The following AGO4 variants were observed in gnomAD, a reference collection of about 807,000 sequenced individuals.
AGO4 encodes protein argonaute-4.
A neutral mutation model predicts 104.7 loss-of-function variants in AGO4; 33 were observed. That is an observed-to-expected ratio of 0.32 (90% CI 0.24 to 0.42). AGO4 has a LOEUF of 0.42. Ranked by LOEUF, AGO4 falls within the 10% of genes least tolerant of loss-of-function variation. The pLI is 1.00. For missense variants in AGO4, 711 were observed against 1,083.4 expected (o/e 0.66, Z 4.83); for synonymous variants, 331 against 364.7 (o/e 0.91, Z 1.05).
intron 17 of AGO4, among the ~76,000 whole-genome samples, chr1:35,851,526 T>G (rs1644701706): frequency 6.6e-6 from 1 of 152,228 alleles, no homozygotes. Context: ...CACTCTCAAA[T>G]AGGCATCTCA....
chr1:35,850,780 CAAAA>C, intron 16 of AGO4, 70 bp from the exon 17 acceptor site: 591 of 534,200 alleles, frequency 1.1e-3, no homozygotes, highest in Admixed American at 1.5e-3. Flanking sequence ...GACTCCATCT[CAAAA>C]AAAAAAAAAA....
At chr1:35,844,417 C>T (rs565476853) in intron 15 of AGO4, among the ~76,000 whole-genome samples, 35 of 152,258 alleles carry the variant, frequency 2.3e-4, no homozygotes, top group African/African-American at 7.9e-4. Flanking sequence ...TGGATGCTGC[C>T]GTTTTTTCAT....
intron 12 of AGO4, among the ~76,000 whole-genome samples, chr1:35,834,460 C>T (rs1232515322): frequency 6.6e-6 from 1 of 152,164 alleles, no homozygotes; most frequent in Non-Finnish European, 1.5e-5. Flanking sequence ...TGGCCACAAC[C>T]AGCCATATGG....
intron 12 of AGO4, among the ~76,000 whole-genome samples, 181 bp downstream of exon 12, chr1:35,834,355 C>T (rs539319059): frequency 6.6e-6 from 1 of 152,368 alleles, no homozygotes; most frequent in Admixed American, 6.5e-5. Context: ...TGCTCTGTGT[C>T]ATCATGTCAT....
chr1:35,850,909 C>A lies in AGO4; in HGVS notation c.2333C>A (p.Ala778Glu). Residue 778 changes from alanine to glutamate, a missense_variant, in exon 17 of 18, where the codon GCA becomes GAA. Ala to Glu is a moderately radical substitution (Grantham distance 107). Transcript: ENST00000373210. ...QVLWDDNCFT[A>E]DELQLLTYQL... is the part of the protein sequence containing the mutation. ...TTGTGGGATGACAACTGCTTCACTG[C>A]AGATGAACTCCAGCTACTGACTTAC... 2 of 1,613,848 alleles carry A rather than the reference C, an allele frequency of 1.2e-6. No individual in the cohort carries two copies. The highest frequency in any genetic ancestry group is 1.1e-5 in the South Asian group (1 of 91,080).
rs756176316 is a variant in AGO4, at chr1:35,841,788, C to A, written c.2175+38C>A. 103 of 1,573,004 alleles carry A rather than the reference C, an allele frequency of 6.5e-5. 1 individual carries two copies. In the Middle Eastern group the frequency reaches 3.4e-3, roughly 52 times the overall value. On this transcript the variant is annotated intron_variant, in intron 15 of 17. Coordinates refer to ENST00000373210, the MANE Select transcript of AGO4 (RefSeq NM_017629.4). The surrounding 1 kb of genome is among the most constrained non-coding windows in gnomAD (Gnocchi z 4.7). The stretch of plus-strand genomic sequence containing the variant: ...AATATAAGCTTTGTTATCTGAGGCT[C>A]TGGCAAGAGATGTATATATGCACAT...
intron 2 of AGO4, among the ~76,000 whole-genome samples, chr1:35,818,641 GA>G (rs1557552079): frequency 3.0e-5 from 3 of 99,984 alleles, no homozygotes; most frequent in South Asian, 3.5e-4. Flanking sequence ...AAGAAAGAAA[GA>G]AAGAAAGAAA....
Position 35,808,447 on chromosome 1 carries a change from G to T in AGO4, c.19+12G>T. On this transcript the variant is annotated intron_variant, in intron 1 of 17. Coordinates refer to ENST00000373210, the MANE Select transcript of AGO4 (RefSeq NM_017629.4). This position sits in a 1 kb window ranked among gnomAD's most constrained non-coding sequence, Gnocchi z 5.2. ...GGCGCTGGGACCCGGTGAGGAGCGA[G>T]CTCGGGTCGGGGCGGGACCCGGGAC... is the stretch of plus-strand genomic sequence containing the variant. 1 of 1,179,062 alleles carries T rather than the reference G, an allele frequency of 8.5e-7. No individual in the cohort carries two copies. The highest frequency in any genetic ancestry group is 1.0e-6 in the Non-Finnish European group (1 of 953,906). The allele number at this position is 1,179,062 out of a possible 1,614,324, so 73.0% of individuals were successfully genotyped here.
chr1:35,827,515 A>C (rs1644054336), intron 7 of AGO4, among the ~76,000 whole-genome samples: 1 of 152,180 alleles, frequency 6.6e-6, no homozygotes, highest in South Asian at 2.1e-4. Context: ...GTGAAACTCC[A>C]TCTCAAAAGA....
chr1:35,840,977 G>GGC (rs1557574460), intron 13 of AGO4, among the ~76,000 whole-genome samples, 188 bp from the exon 14 acceptor site: 8 of 152,132 alleles, frequency 5.3e-5, no homozygotes, highest in African/African-American at 1.9e-4. Context: ...CACTTCTTCA[G>GGC]TCAGTCCAGA....
intron 1 of AGO4, among the ~76,000 whole-genome samples, chr1:35,809,916 A>G (rs1288080158): frequency 6.6e-6 from 1 of 152,216 alleles, no homozygotes; most frequent in African/African-American, 2.4e-5. Context: ...TCATAATTGA[A>G]ACAACTGTTG....
chr1:35,830,992 AG>A (rs1030217332), intron 7 of AGO4, among the ~76,000 whole-genome samples: 11 of 151,282 alleles, frequency 7.3e-5, no homozygotes, highest in Non-Finnish European at 1.5e-4. Flanking sequence ...AAAAAAAAAA[AG>A]ATTGACCTTT....
chr1:35,808,366 C>G lies in AGO4; in HGVS notation c.-51C>G, dbSNP rs1643366550. On this transcript the variant is annotated 5_prime_UTR_variant, in exon 1 of 18. Coordinates refer to ENST00000373210, the MANE Select transcript of AGO4 (RefSeq NM_017629.4). The surrounding 1 kb of genome is among the most constrained non-coding windows in gnomAD (Gnocchi z 5.2). ...GGCGGCGGCGGCGGCGGCGGCGGGGCCCGGAGCGGGAGGCGCCGGGGACCG... is the reference window on the plus strand; with the variant it reads ...GGCGGCGGCGGCGGCGGCGGCGGGGGCCGGAGCGGGAGGCGCCGGGGACCG... The G allele has an allele frequency of 9.9e-7, 1 of 1,010,388 alleles. No individual in the cohort carries two copies. Among genetic ancestry groups the G allele is most frequent in the Non-Finnish European group, 1.2e-6 (1 of 844,712 alleles). 62.6% of individuals were successfully genotyped at this position (1,010,388 alleles called of 1,614,324 possible).
intron 13 of AGO4, among the ~76,000 whole-genome samples, chr1:35,837,082 T>G (rs1452137307): frequency 6.6e-5 from 10 of 152,250 alleles, no homozygotes; most frequent in Non-Finnish European, 1.5e-5. Flanking sequence ...TTTATATTTT[T>G]GTTTGTTTGT....
At chr1:35,811,863 A>G (rs910677263) in intron 1 of AGO4, among the ~76,000 whole-genome samples, 1 of 151,976 alleles carries the variant, frequency 6.6e-6, no homozygotes, top group Non-Finnish European at 1.5e-5. Flanking sequence ...CTCCCAAAGT[A>G]CTGGAATTAC....
rs764351646 is a variant in AGO4 at position 35,825,435 on chromosome 1, A to G, written c.429A>G (p.Glu143=). ...AAGCTTTGGCTGGGCACTTGAATGAAGTCCCAGATGACTCAGTACAAGCAC... is the reference window on the plus strand; with the variant it reads ...AAGCTTTGGCTGGGCACTTGAATGAGGTCCCAGATGACTCAGTACAAGCAC... ...LLEALAGHLN[E]VPDDSVQALD... Residue 143 remains glutamate (E), a synonymous_variant, in exon 4 of 18, where the codon GAA becomes GAG. Coordinates refer to ENST00000373210, the MANE Select transcript of AGO4 (RefSeq NM_017629.4). The G allele has an allele frequency of 1.6e-5, 26 of 1,614,080 alleles. No homozygotes were observed. In the Admixed American group the frequency reaches 4.2e-4, roughly 26 times the overall value.
intron 1 of AGO4, among the ~76,000 whole-genome samples, chr1:35,813,018 T>G (rs1258556050): frequency 1.3e-5 from 2 of 152,268 alleles, no homozygotes; most frequent in East Asian, 3.8e-4. Flanking sequence ...ATTTACTATT[T>G]ACTTCTTACC....
At position 35,835,940 on chromosome 1, in the gene AGO4, G is replaced by A; in HGVS notation, c.1671G>A (p.Leu557=). The A allele has an allele frequency of 4.3e-6, 7 of 1,614,100 alleles. No homozygotes were observed. The highest frequency in any genetic ancestry group is 5.9e-6 in the Non-Finnish European group (7 of 1,180,004). Residue 557 remains leucine (L), a synonymous_variant, in exon 13 of 18, where the codon CTG becomes CTA. Coordinates refer to ENST00000373210, the MANE Select transcript of AGO4 (RefSeq NM_017629.4). ...CTCAAACCCTTTCCAATCTTTGCCT[G>A]AAGATAAATGCAAAACTTGGAGGAA... ...TSPQTLSNLC[L]KINAKLGGIN...
intron 2 of AGO4, 136 bp downstream of exon 2, chr1:35,817,183 G>T (rs1429779506): frequency 1.2e-5 from 11 of 897,028 alleles, no homozygotes; most frequent in Non-Finnish European, 1.8e-5. Context: ...TAGCAGGTTT[G>T]CTGTCTCATG....
Sources: gnomAD v4.1 joint callset for allele counts (sites outside exome capture counted in the v4.1 genomes callset) on GRCh38, gnomAD v4.1.1 for gene constraint, Gnocchi (gnomAD v3.1) non-coding constraint, MANE v1.5 for transcripts, NCBI Gene and HGNC (gene_info 2026-07-23, HGNC 2026-07-21) for gene names.